Variants in CMPK2 observed in about 807,000 individuals in gnomAD.
CMPK2 encodes the protein cytidine/uridine monophosphate kinase 2, also known as UMP-CMP kinase 2, mitochondrial.
CMPK2 carries 32 observed loss-of-function variants against 33.4 expected under a neutral mutation model. The observed-to-expected ratio is 0.96, with a 90% confidence interval of 0.72 to 1.29. The LOEUF (loss-of-function observed/expected upper bound fraction) is 1.29. CMPK2 is among the 50% of genes most tolerant of loss of function. The pLI, the probability that CMPK2 is intolerant of heterozygous loss-of-function variation, is 0.00. For synonymous variants in CMPK2, 299 were observed against 275.3 expected, an observed-to-expected ratio of 1.09 and a Z score of -0.85; for missense variants, 672 against 616.0, an observed-to-expected ratio of 1.09 and a Z score of -0.96.
At chr2:6,863,124 C>G (rs1044753153) in intron 2 of CMPK2, among the ~76,000 whole-genome samples, 7 of 152,154 alleles carry the variant, frequency 4.6e-5, no homozygotes, top group Admixed American at 4.6e-4. Context: ...AGGATGTTAC[C>G]TGCTTTCATC....
intron 3 of CMPK2, among the ~76,000 whole-genome samples, chr2:6,856,165 A>G (rs545537286): frequency 3.9e-5 from 6 of 152,352 alleles, no homozygotes; most frequent in Non-Finnish European, 8.8e-5. Flanking sequence ...TGCTCCTGGG[A>G]ACCTATGTAA....
In CMPK2 at chr2:6,851,462, A is replaced by G. The variant is rs909334857; in HGVS notation, c.1214T>C (p.Val405Ala). The G allele has an allele frequency of 2.5e-6, 4 of 1,614,210 alleles. No homozygotes were observed. The highest frequency in any genetic ancestry group is 3.4e-6 in the Non-Finnish European group (4 of 1,180,038). The change falls in exon 4 of 5, where the codon GTG becomes GCG. Residue 405 changes from valine (V) to alanine (A), a missense_variant. By Grantham distance (64) the Val-to-Ala change is moderately conservative. Transcript: ENST00000256722. ...CTGGGACACCTACTTTTGACGAAACACACTGTTGGCCTCAAGTTCTGCTTC... is the reference window on the plus strand; with the variant it reads ...CTGGGACACCTACTTTTGACGAAACGCACTGTTGGCCTCAAGTTCTGCTTC... ...REEAELEANS[V>A]FRQKVEMSYQ...
chr2:6,853,698 C>T (rs1051132858), intron 3 of CMPK2, among the ~76,000 whole-genome samples: 1 of 151,998 alleles, frequency 6.6e-6, no homozygotes, highest in Non-Finnish European at 1.5e-5. Context: ...GTCAGGAGAT[C>T]GAGACCATCC....
chr2:6,842,693 A>C (rs151223647), intron 3 of CMPK2, among the ~76,000 whole-genome samples: 1 of 152,204 alleles, frequency 6.6e-6, no homozygotes, highest in Admixed American at 6.5e-5. Flanking sequence ...AGGTTCCCAG[A>C]TCAGGGAGTG....
Position 6,861,366 on chromosome 2 carries a change from C to G in CMPK2, c.810G>C (p.Gln270His). ...LDATGKTTVT[Q>H]SVADSLKAVL... ...CAGCCTTAAGTGAATCTGCCACTGA[C>G]TGGGTCACCGTGGTTTTACCTGCAG... The change falls in exon 3 of 5, where the codon CAG (glutamine) becomes CAC (histidine). Residue 270 changes from glutamine (Q) to histidine (H), a missense_variant. Gln to His is a conservative substitution (Grantham distance 24). Coordinates refer to ENST00000256722, the MANE Select transcript of CMPK2 (RefSeq NM_207315.4). 6.2e-7 allele frequency: 1 copy of G among 1,614,156 alleles called. No individual in the cohort carries two copies. The highest frequency in any genetic ancestry group is 1.1e-5 in the South Asian group (1 of 91,078).
chr2:6,866,398 GCA>G (rs1448167244), upstream of CMPK2: 1 of 976,792 alleles, frequency 1.0e-6, no homozygotes, highest in Non-Finnish European at 1.2e-6. Context: ...ACTCACCTGT[GCA>G]CACACTCACC....
downstream of CMPK2, among the ~76,000 whole-genome samples, chr2:6,846,562 A>G (rs1223836893): frequency 1.3e-5 from 2 of 152,238 alleles, no homozygotes; most frequent in Admixed American, 1.3e-4. Flanking sequence ...TAGAAAGAAG[A>G]GGTTGGAGAC....
chr2:6,866,208 C>G (rs529113493), upstream of CMPK2, among the ~76,000 whole-genome samples: 1 of 152,348 alleles, frequency 6.6e-6, no homozygotes, highest in Non-Finnish European at 1.5e-5. Context: ...CACTTGCAGG[C>G]GCACTACTGC....
Position 6,865,771 on chromosome 2 carries a change from C to G in CMPK2, c.-75G>C, listed in dbSNP as rs963967012. ...GCGGGAGCCAGGCGCCGGCGGGAAA[C>G]GAAACCCGGAGGGAGCCAGGCGCCA... On this transcript the variant is annotated 5_prime_UTR_variant, in exon 1 of 5. Coordinates refer to ENST00000256722, the MANE Select transcript of CMPK2 (RefSeq NM_207315.4). 368 of 1,259,180 alleles carry G rather than the reference C, an allele frequency of 2.9e-4. No homozygotes were observed. Among genetic ancestry groups the G allele is most frequent in the Non-Finnish European group, 3.6e-4 (365 of 1,002,238 alleles). 78.0% of individuals were successfully genotyped at this position (1,259,180 alleles called of 1,614,324 possible). A position where few individuals can be genotyped will look rare whatever the true frequency, so the allele number is the denominator to read the frequency against.
intron 3 of CMPK2, among the ~76,000 whole-genome samples, chr2:6,857,731 G>T (rs1361397236): frequency 6.6e-6 from 1 of 151,578 alleles, no homozygotes; most frequent in East Asian, 1.9e-4. Flanking sequence ...ACCCCCTGGG[G>T]TTCATGCCAT....
rs944614460 is a variant in CMPK2 at position 6,848,895 on chromosome 2, G to C, written c.*955C>G. The C allele has an allele frequency of 3.0e-6, 3 of 985,412 alleles. No homozygotes were observed. The highest frequency in any genetic ancestry group is 3.6e-6 in the Non-Finnish European group (3 of 829,678). 61.0% of individuals were successfully genotyped at this position (985,412 alleles called of 1,614,324 possible). The stretch of plus-strand genomic sequence containing the variant: ...AAGAAATCCCACTCCAAGATCCACT[G>C]TACTTATTTAACAAGACAAATTAAG... On this transcript the variant is annotated 3_prime_UTR_variant, in exon 5 of 5. Transcript: ENST00000256722.
chr2:6,866,326 T>C (rs551445984), upstream of CMPK2: 8 of 619,508 alleles, frequency 1.3e-5, no homozygotes, highest in East Asian at 4.2e-4. Flanking sequence ...GCTGCTTTCC[T>C]GCGGGAACAG....
intron 3 of CMPK2, among the ~76,000 whole-genome samples, chr2:6,853,654 C>T (rs1260386311): frequency 6.6e-6 from 1 of 152,072 alleles, no homozygotes; most frequent in Admixed American, 6.6e-5. Flanking sequence ...AAAAAATTCA[C>T]TTGGTTGGGA....
Position 6,851,682 on chromosome 2 carries a change from A to G in CMPK2, c.994T>C (p.Tyr332His). The G allele has an allele frequency of 6.2e-7, 1 of 1,613,944 alleles. No individual in the cohort carries two copies. The highest frequency in any genetic ancestry group is 8.5e-7 in the Non-Finnish European group (1 of 1,179,868). Residue 332 changes from tyrosine (Y) to histidine (H), a missense_variant and splice_region_variant, in exon 4 of 5, where the codon TAC becomes CAC. By Grantham distance (83) the Tyr-to-His change is moderately conservative. Transcript: ENST00000256722. ...GCATAGGTGGCCGTGCTGTGCCAGT[A>G]CCTGAGAAGGAATGGGGTAGTGAGT... ...SAKSPVIVDR[Y>H]WHSTATYAIA...
intron 4 of CMPK2, chr2:6,851,039 C>T (rs1662505982): frequency 9.7e-7 from 1 of 1,032,078 alleles, no homozygotes; most frequent in African/African-American, 1.7e-5. Flanking sequence ...CTAATGTTTT[C>T]CTCACAAGGA....
chr2:6,863,796 T>C (rs559181511), intron 1 of CMPK2, among the ~76,000 whole-genome samples: 1 of 152,374 alleles, frequency 6.6e-6, no homozygotes, highest in East Asian at 1.9e-4. Context: ...TGTCCCTGTC[T>C]GGATCGCTTG....
chr2:6,849,050 G>C lies in CMPK2; in HGVS notation c.*800C>G. 2 of 983,216 alleles carry C rather than the reference G, an allele frequency of 2.0e-6. No individual in the cohort carries two copies. Among genetic ancestry groups the C allele is most frequent in the Non-Finnish European group, 2.4e-6 (2 of 827,698 alleles). The allele number at this position is 983,216 out of a possible 1,614,324, so 60.9% of individuals were successfully genotyped here. A position where few individuals can be genotyped will look rare whatever the true frequency, so the allele number is the denominator to read the frequency against. On this transcript the variant is annotated 3_prime_UTR_variant, in exon 5 of 5. Transcript: ENST00000256722. ...TTAATATAAATAAATTACTGGATTG[G>C]CTAAATGAAATGCATCCAGTTCAAT...
chr2:6,840,665 C>T (rs1252962153), exon 4 of CMPK2: 3 of 702,108 alleles, frequency 4.3e-6, no homozygotes, highest in East Asian at 2.7e-5. Flanking sequence ...TATAAGGTTC[C>T]TCCCAGCTGG....
Position 6,863,523 on chromosome 2 carries a change from G to A in CMPK2, c.731C>T (p.Pro244Leu), listed in dbSNP as rs867410061. Residue 244 changes from proline (P) to leucine (L), a missense_variant, in exon 2 of 5, where the codon CCA becomes CTA. By Grantham distance (98) the Pro-to-Leu change is moderately conservative. Coordinates refer to ENST00000256722, the MANE Select transcript of CMPK2 (RefSeq NM_207315.4). Reference protein sequence around the residue: ...RAVLDLVDQCPKQIQKGKFQV... With the variant: ...RAVLDLVDQCLKQIQKGKFQV... Reference sequence around the variant, plus strand: ...GAACTTTCCTTTCTGGATCTGTTTTGGGCACTGGTCGACCAGGTCAAGCAC... The same window carrying A: ...GAACTTTCCTTTCTGGATCTGTTTTAGGCACTGGTCGACCAGGTCAAGCAC... 6.2e-6 allele frequency: 10 copies of A among 1,613,990 alleles called. No individual in the cohort carries two copies. In the African/African-American group the frequency reaches 1.2e-4, roughly 19 times the overall value.
Sources: gnomAD v4.1 joint callset for allele counts (sites outside exome capture counted in the v4.1 genomes callset) on GRCh38, gnomAD v4.1.1 for gene constraint, MANE v1.5 for transcripts, NCBI Gene and HGNC (gene_info 2026-07-23, HGNC 2026-07-21) for gene names.